LTBP2: variants seen among roughly 807,000 people sequenced by gnomAD.
The protein encoded by LTBP2 is latent-transforming growth factor beta-binding protein 2.
Under a neutral mutation model 210.6 loss-of-function variants are expected in LTBP2, and 103 were observed. The observed-to-expected ratio is 0.49, with a 90% CI of 0.42 to 0.58. The LOEUF is 0.58. Ranked by LOEUF, LTBP2 falls within the 20% of genes least tolerant of loss-of-function variation. The pLI, the probability that LTBP2 is intolerant of heterozygous loss-of-function variation, is 0.00. For synonymous variants in LTBP2, 1,007 were observed against 1,015.0 expected (o/e 0.99, Z 0.15); for missense variants, 2,313 against 2,494.5 (o/e 0.93, Z 1.55).
At position 74,567,416 on chromosome 14, in the gene LTBP2, C is replaced by T. The variant is rs550595191; in HGVS notation, c.831-11723G>A. On this transcript the variant is annotated intron_variant, in intron 3 of 35. Transcript: ENST00000261978. ...AGAGAGCCAGGCAAGAGAGCCAGAGCGAGCTGCCTGGGCACTGGGCTCACA... is the reference window on the plus strand; with the variant it reads ...AGAGAGCCAGGCAAGAGAGCCAGAGTGAGCTGCCTGGGCACTGGGCTCACA... Among the ~76,000 whole-genome samples the T allele has an allele frequency of 9.8e-5, 15 of 152,300 alleles. No homozygotes were observed. The East Asian group carries it at 2.1e-3, about 22-fold the overall frequency.
At position 74,609,453 on chromosome 14, in the gene LTBP2, C is replaced by T. The variant is rs78701485; in HGVS notation, c.494+1998G>A. On this transcript the variant is annotated intron_variant, in intron 1 of 35. Coordinates refer to ENST00000261978, the MANE Select transcript of LTBP2 (RefSeq NM_000428.3). ...CACGCTCCACTTCCCCACCTTCCCC[C>T]GCACCTCACCTGCACCTAAATGCCT... Among the ~76,000 whole-genome samples, 703 of 152,272 alleles carry T rather than the reference C, an allele frequency of 4.6e-3. 7 individuals carry two copies. The highest frequency in any genetic ancestry group is 0.016 in the African/African-American group (650 of 41,544).
chr14:74,511,036 G>C (rs1312588662), intron 19 of LTBP2, among the ~76,000 whole-genome samples: 1 of 152,264 alleles, frequency 6.6e-6, no homozygotes, highest in Admixed American at 6.5e-5. Context: ...TATGGCCAAA[G>C]AGGAGAAAAG....
chr14:74,600,093 T>C (rs1595301617), intron 2 of LTBP2, among the ~76,000 whole-genome samples: 1 of 151,990 alleles, frequency 6.6e-6, no homozygotes, highest in South Asian at 2.1e-4. Flanking sequence ...GCTGACGGGG[T>C]GTGGAGCCAA....
intron 8 of LTBP2, among the ~76,000 whole-genome samples, chr14:74,546,618 C>T (rs970225208): frequency 1.4e-4 from 21 of 152,206 alleles, no homozygotes; most frequent in Non-Finnish European, 2.9e-4. Context: ...TAGGGGAGGC[C>T]ACCATCTGGG....
chr14:74,502,432 G>A, intron 34 of LTBP2: 1 of 665,792 alleles, frequency 1.5e-6, no homozygotes, highest in East Asian at 2.7e-5. Flanking sequence ...GCAGTGTCCT[G>A]TACCTTTTTG....
chr14:74,558,682 C>T (rs1044214303), intron 3 of LTBP2, among the ~76,000 whole-genome samples: 1 of 152,156 alleles, frequency 6.6e-6, no homozygotes, highest in African/African-American at 2.4e-5. Flanking sequence ...GGTTTGTTGT[C>T]ATTGTTATGT....
At chr14:74,603,769 C>T (rs1012654867) in intron 1 of LTBP2, 64 bp from the exon 2 acceptor site, 11 of 1,351,728 alleles carry the variant, frequency 8.1e-6, no homozygotes, top group Non-Finnish European at 8.5e-6. Flanking sequence ...TTCACAGCCC[C>T]TCCGACAGTC....
At chr14:74,503,814 C>T in intron 31 of LTBP2, 112 bp downstream of exon 31, 1 of 1,496,602 alleles carries the variant, frequency 6.7e-7, no homozygotes, top group Non-Finnish European at 9.1e-7. Flanking sequence ...CAGTGGGCGG[C>T]CTCCCTAGGA....
At chr14:74,551,585 C>G (rs1410309113) in intron 6 of LTBP2, among the ~76,000 whole-genome samples, 3 of 152,228 alleles carry the variant, frequency 2.0e-5, no homozygotes, top group Non-Finnish European at 4.4e-5. Flanking sequence ...TCCAAGCTAC[C>G]TTCCTGATTC....
intron 2 of LTBP2, among the ~76,000 whole-genome samples, chr14:74,595,605 C>A (rs61980917): frequency 6.6e-6 from 1 of 152,124 alleles, no homozygotes; most frequent in South Asian, 2.1e-4. Flanking sequence ...ACCAGCCCCG[C>A]GCCCAGGCCC....
At chr14:74,503,731 GC>G in intron 31 of LTBP2, 125 bp from the exon 32 acceptor site, 13 of 1,361,440 alleles carry the variant, frequency 9.5e-6, no homozygotes, top group Non-Finnish European at 1.1e-5. Flanking sequence ...CCTCAACCCA[GC>G]CCAGCCTGGA....
chr14:74,526,126 C>G lies in LTBP2; in HGVS notation c.2389-12G>C. The stretch of plus-strand genomic sequence containing the variant: ...ACACTGGTCGTGACCTGCACAGAAA[C>G]AGGAGAAGGTCACTTTTGGCTCCTC... On this transcript the variant is annotated splice_polypyrimidine_tract_variant and intron_variant, in intron 13 of 35. Coordinates refer to ENST00000261978, the MANE Select transcript of LTBP2 (RefSeq NM_000428.3). The G allele has an allele frequency of 6.3e-7, 1 of 1,596,484 alleles. No individual in the cohort carries two copies. The highest frequency in any genetic ancestry group is 8.5e-7 in the Non-Finnish European group (1 of 1,170,786).
At chr14:74,510,418 A>G (rs577795011) in intron 19 of LTBP2, among the ~76,000 whole-genome samples, 1 of 152,242 alleles carries the variant, frequency 6.6e-6, no homozygotes, top group African/African-American at 2.4e-5. Context: ...CTTCAGCCCT[A>G]TCTAGTAACT....
chr14:74,605,176 C>T (rs956939810), intron 1 of LTBP2, among the ~76,000 whole-genome samples: 5 of 152,350 alleles, frequency 3.3e-5, no homozygotes, highest in South Asian at 4.1e-4. Flanking sequence ...GCCAGCATGG[C>T]GACATCTGGT....
chr14:74,553,945 T>TGTGTGTGTGTGTGC (rs2087695318), intron 4 of LTBP2, among the ~76,000 whole-genome samples: 2 of 151,134 alleles, frequency 1.3e-5, no homozygotes, highest in Non-Finnish European at 3.0e-5. Context: ...TGTGTGTGTG[T>TGTGTGTGTGTGTGC]GTGTGTGTGT....
At position 74,504,880 on chromosome 14, in the gene LTBP2, C is replaced by G. The variant is rs1180021575; in HGVS notation, c.4370-19G>C. 6 of 1,613,910 alleles carry G rather than the reference C, an allele frequency of 3.7e-6. No homozygotes were observed. The African/African-American group carries it at 8.0e-5, about 22-fold the overall frequency. ...AATTCAGCTATGTAGAGAGGCGTTT[C>G]AGCTCAGAGTGGGGAGGGCCCTGCC... On this transcript the variant is annotated intron_variant, in intron 29 of 35. Coordinates refer to ENST00000261978, the MANE Select transcript of LTBP2 (RefSeq NM_000428.3).
chr14:74,508,445 C>T (rs2087020366), intron 24 of LTBP2, among the ~76,000 whole-genome samples, 159 bp downstream of exon 24: 1 of 152,190 alleles, frequency 6.6e-6, no homozygotes, highest in African/African-American at 2.4e-5. Flanking sequence ...CCATCTTCTC[C>T]TCCCTGGGCA....
chr14:74,526,945 G>C (rs552484513), intron 13 of LTBP2, among the ~76,000 whole-genome samples: 1 of 152,162 alleles, frequency 6.6e-6, no homozygotes, highest in Non-Finnish European at 1.5e-5. Flanking sequence ...CTCCCAGAGG[G>C]ACCTGGAGGT....
At chr14:74,514,950 C>T (rs560796167) in intron 18 of LTBP2, among the ~76,000 whole-genome samples, 1 of 152,274 alleles carries the variant, frequency 6.6e-6, no homozygotes, top group African/African-American at 2.4e-5. Context: ...TCTGCCTGAC[C>T]TCCCAGATGA....
Sources: gnomAD v4.1 joint callset for allele counts (sites outside exome capture counted in the v4.1 genomes callset) on GRCh38, gnomAD v4.1.1 for gene constraint, MANE v1.5 for transcripts, NCBI Gene and HGNC (gene_info 2026-07-23, HGNC 2026-07-21) for gene names.